The following SMG1 variants were observed in gnomAD, a reference collection of about 807,000 sequenced individuals.
SMG1 encodes serine/threonine-protein kinase SMG1.
SMG1 carries 22 observed loss-of-function variants against 419.9 expected under a neutral mutation model. That is an observed-to-expected ratio of 0.05 (90% CI 0.04 to 0.07). The LOEUF (loss-of-function observed/expected upper bound fraction) is 0.07, where lower values mean the gene tolerates loss of function less well. SMG1 is among the 10% of genes least tolerant of loss of function. The pLI, the probability that SMG1 is intolerant of heterozygous loss-of-function variation, is 1.00. For synonymous variants in SMG1, 1,538 were observed against 1,553.5 expected (o/e 0.99, Z 0.23); for missense variants, 3,185 against 4,342.0 (o/e 0.73, Z 7.49).
At chr16:18,863,918 G>A (rs1352793960) in intron 24 of SMG1, 67 bp from the exon 25 acceptor site, 3 of 1,577,886 alleles carry the variant, frequency 1.9e-6, no homozygotes, top group African/African-American at 2.7e-5. Flanking sequence ...AAAGAGCACA[G>A]AAACCTAAAA....
At chr16:18,901,066 A>C (rs549694122) in intron 1 of SMG1, among the ~76,000 whole-genome samples, 1 of 145,660 alleles carries the variant, frequency 6.9e-6, no homozygotes, top group South Asian at 2.2e-4. Context: ...CTTTAAGTTC[A>C]AATTTAATAG....
intron 3 of SMG1, among the ~76,000 whole-genome samples, chr16:18,895,667 A>G (rs2037091432): frequency 6.6e-6 from 1 of 151,550 alleles, no homozygotes; most frequent in Non-Finnish European, 1.5e-5. Context: ...TACATCCTGC[A>G]CACGTACCCT....
chr16:18,887,224 C>A (rs190887365), intron 6 of SMG1, among the ~76,000 whole-genome samples: 2 of 152,238 alleles, frequency 1.3e-5, no homozygotes, highest in African/African-American at 4.8e-5. Context: ...TTCACAAGAG[C>A]TGGGAAAATG....
At position 18,844,249 on chromosome 16, in the gene SMG1, T is replaced by C. The variant is rs375335143; in HGVS notation, c.6219+1180A>G. 4.0e-5 allele frequency among the ~76,000 whole-genome samples: 6 copies of C among 151,802 alleles called. No homozygotes were observed. In the East Asian group the frequency reaches 1.2e-3, roughly 29 times the overall value. On this transcript the variant is annotated intron_variant, in intron 39 of 62. Transcript: ENST00000446231. ...TTCGAGACCAGCCTGGCCAACATGG[T>C]GAAACTCCGTCTCTACTAAAAGTAC... is the stretch of plus-strand genomic sequence containing the variant.
chr16:18,810,535 G>A (rs1408642638), intron 62 of SMG1, among the ~76,000 whole-genome samples: 1 of 152,150 alleles, frequency 6.6e-6, no homozygotes, highest in Non-Finnish European at 1.5e-5. Context: ...GTTTATCGGG[G>A]TATTAAATGC....
chr16:18,914,795 A>G (rs2037909780), intron 1 of SMG1, among the ~76,000 whole-genome samples: 1 of 152,180 alleles, frequency 6.6e-6, no homozygotes, highest in African/African-American at 2.4e-5. Context: ...GGCTCAACCC[A>G]GTGCTTAAAT....
intron 24 of SMG1, 51 bp downstream of exon 24, chr16:18,863,951 C>T (rs1299289002): frequency 4.7e-5 from 73 of 1,552,716 alleles, no homozygotes; most frequent in Non-Finnish European, 6.2e-5. Context: ...ATCATCAGTA[C>T]GAAATATATT....
intron 26 of SMG1, 86 bp from the exon 27 acceptor site, chr16:18,859,789 A>G (rs1460190290): frequency 1.3e-5 from 11 of 852,686 alleles, no homozygotes; most frequent in Non-Finnish European, 2.0e-5. Flanking sequence ...AAAACTAATC[A>G]CCAATGAACA....
intron 3 of SMG1, among the ~76,000 whole-genome samples, chr16:18,895,738 T>A (rs185770280): frequency 1.3e-5 from 2 of 152,064 alleles, no homozygotes; most frequent in Admixed American, 1.3e-4. Context: ...TATATCTATA[T>A]CCTCCACAGG....
At chr16:18,851,178 G>A (rs769312946) in intron 33 of SMG1, among the ~76,000 whole-genome samples, 2 of 152,240 alleles carry the variant, frequency 1.3e-5, no homozygotes, top group Non-Finnish European at 2.9e-5. Flanking sequence ...AGCTTAGGGA[G>A]AGACTTAGAT....
chr16:18,906,291 T>C (rs2037559059), intron 1 of SMG1, among the ~76,000 whole-genome samples: 1 of 152,096 alleles, frequency 6.6e-6, no homozygotes, highest in African/African-American at 2.4e-5. Flanking sequence ...GATACCAGCC[T>C]GGCCAAAATG....
At chr16:18,837,549 C>A (rs2033653512) in intron 45 of SMG1, 106 bp from the exon 46 acceptor site, 2 of 957,168 alleles carry the variant, frequency 2.1e-6, no homozygotes, top group East Asian at 2.6e-5. Flanking sequence ...CTACAAAACC[C>A]GAAAGGGGTG....
At chr16:18,867,965 C>T (rs1213460595) in intron 22 of SMG1, among the ~76,000 whole-genome samples, 1 of 152,118 alleles carries the variant, frequency 6.6e-6, no homozygotes, top group Non-Finnish European at 1.5e-5. Flanking sequence ...ACCTCTGCCT[C>T]CCAAAGTGCT....
At chr16:18,893,959 A>C (rs1171625719) in intron 3 of SMG1, among the ~76,000 whole-genome samples, 2 of 151,946 alleles carry the variant, frequency 1.3e-5, no homozygotes, top group Non-Finnish European at 2.9e-5. Flanking sequence ...CGGGAGGCTG[A>C]GGCAGGAGAA....
chr16:18,817,183 T>C, intron 57 of SMG1, 108 bp downstream of exon 57: 1 of 918,722 alleles, frequency 1.1e-6, no homozygotes, highest in Non-Finnish European at 1.5e-6. Flanking sequence ...AACAACCTCT[T>C]ACATACAGTA....
chr16:18,910,465 G>C (rs185503539), intron 1 of SMG1, among the ~76,000 whole-genome samples: 3 of 151,748 alleles, frequency 2.0e-5, no homozygotes, highest in Admixed American at 2.0e-4. Flanking sequence ...TTCTGATCTC[G>C]GTGATCTGAC....
rs1223158068 is a variant in SMG1 at position 18,829,834 on chromosome 16, A to G, written c.9134-79T>C. The stretch of plus-strand genomic sequence containing the variant: ...GCTTATTTATAGTATTTAAGGTGTC[A>G]TGAATGTATAATTAAATTAAGCCTA... On this transcript the variant is annotated intron_variant, in intron 53 of 62. Transcript: ENST00000446231. 15 of 1,437,498 alleles carry G rather than the reference A, an allele frequency of 1.0e-5. No individual in the cohort carries two copies. The Admixed American group carries it at 2.7e-4, about 26-fold the overall frequency. The allele number at this position is 1,437,498 out of a possible 1,614,324, so 89.0% of individuals were successfully genotyped here. A position where few individuals can be genotyped will look rare whatever the true frequency, so the allele number is the denominator to read the frequency against.
intron 1 of SMG1, among the ~76,000 whole-genome samples, chr16:18,899,765 A>G (rs574344105): frequency 1.3e-5 from 2 of 152,318 alleles, no homozygotes; most frequent in African/African-American, 4.8e-5. Flanking sequence ...AAGGGATATC[A>G]TCTGCCAGAA....
Position 18,854,944 on chromosome 16 carries a change from T to G in SMG1, c.4235-40A>C, listed in dbSNP as rs201311170. The G allele has an allele frequency of 8.9e-6, 14 of 1,576,890 alleles. No individual in the cohort carries two copies. The Admixed American group carries it at 2.6e-4, about 29-fold the overall frequency. On this transcript the variant is annotated intron_variant, in intron 29 of 62. Transcript: ENST00000446231. ...ACGTTTTATTAGTTCCTAATTTGTCTAAACCAGACTGCATGGAAACATGGC... is the reference window on the plus strand; with the variant it reads ...ACGTTTTATTAGTTCCTAATTTGTCGAAACCAGACTGCATGGAAACATGGC...
Sources: allele counts gnomAD v4.1 joint callset (sites outside exome capture counted in the v4.1 genomes callset), GRCh38; gene constraint gnomAD v4.1.1; transcripts MANE v1.5; gene names NCBI Gene and HGNC (gene_info 2026-07-23, HGNC 2026-07-21).